Variants in SPECC1L observed in about 807,000 individuals in gnomAD.
SPECC1L encodes the protein sperm antigen with calponin homology and coiled-coil domains 1 like, also known as cytospin-A.
Under a neutral mutation model 116.8 loss-of-function variants are expected in SPECC1L, and 40 were observed. That is an observed-to-expected ratio of 0.34 (90% CI 0.27 to 0.45). The LOEUF is 0.45. Among genes scored for constraint, SPECC1L ranks in the 20% least tolerant of loss-of-function variants. The pLI, the probability that SPECC1L is intolerant of heterozygous loss-of-function variation, is 1.00. For missense variants in SPECC1L, 1,110 were observed against 1,373.6 expected, an observed-to-expected ratio of 0.81 and a Z score of 3.03; for synonymous variants, 504 against 500.6, an observed-to-expected ratio of 1.01 and a Z score of -0.09.
At position 24,316,841 on chromosome 22, in the gene SPECC1L, C is replaced by T. The variant is rs1471214405; in HGVS notation, c.307+3375C>T. ...GGCCGGGCAGAGGGGCTCCTCACTTCCCAGTAGGGGCGGCCGGGCAGAGGC... is the reference window on the plus strand; with the variant it reads ...GGCCGGGCAGAGGGGCTCCTCACTTTCCAGTAGGGGCGGCCGGGCAGAGGC... On this transcript the variant is annotated intron_variant, in intron 4 of 16. Coordinates refer to ENST00000314328, the MANE Select transcript of SPECC1L (RefSeq NM_015330.6). Among the ~76,000 whole-genome samples the T allele has an allele frequency of 9.6e-3, 1,338 of 139,066 alleles. 55 individuals are homozygous for T. The highest frequency in any genetic ancestry group is 0.033 in the African/African-American group (1,253 of 37,874). 91.2% of individuals were successfully genotyped at this position (139,066 alleles called of 152,430 possible).
intron 6 of SPECC1L, among the ~76,000 whole-genome samples, chr22:24,326,800 A>G (rs1203863342): frequency 2.0e-5 from 3 of 152,168 alleles, no homozygotes; most frequent in Non-Finnish European, 4.4e-5. Context: ...GGGGCAGTGA[A>G]TGAGAGCAAG....
chr22:24,277,011 A>C (rs2048850016), intron 2 of SPECC1L, among the ~76,000 whole-genome samples: 1 of 152,098 alleles, frequency 6.6e-6, no homozygotes, highest in South Asian at 2.1e-4. Context: ...CCATTTTTTC[A>C]TTGTTTTTCT....
At chr22:24,406,820 C>G (rs996900171) in intron 14 of SPECC1L, among the ~76,000 whole-genome samples, 1 of 152,226 alleles carries the variant, frequency 6.6e-6, no homozygotes, top group Middle Eastern at 3.2e-3. Context: ...CCGTGCCTTC[C>G]GAGAACCCAG....
chr22:24,413,892 G>T (rs1471643236), intron 16 of SPECC1L, among the ~76,000 whole-genome samples: 1 of 152,116 alleles, frequency 6.6e-6, no homozygotes, highest in Non-Finnish European at 1.5e-5. Flanking sequence ...CGGCCCCTTG[G>T]GTCACTCCCC....
At chr22:24,362,215 G>C (rs2041659913) in intron 11 of SPECC1L, among the ~76,000 whole-genome samples, 1 of 152,202 alleles carries the variant, frequency 6.6e-6, no homozygotes, top group African/African-American at 2.4e-5. Flanking sequence ...CAGGAAGAGA[G>C]TCAGCAGGAC....
intron 2 of SPECC1L, among the ~76,000 whole-genome samples, chr22:24,298,489 C>G (rs1173644760): frequency 6.6e-6 from 1 of 152,110 alleles, no homozygotes; most frequent in East Asian, 1.9e-4. Flanking sequence ...TTGGCTCATG[C>G]AATTATGGAG....
chr22:24,313,615 C>T (rs529685226), intron 4 of SPECC1L, 149 bp downstream of exon 4: 22 of 881,772 alleles, frequency 2.5e-5, no homozygotes, highest in Non-Finnish European at 4.0e-5. Flanking sequence ...ACGCTCATCA[C>T]CATTATCAAC....
intron 10 of SPECC1L, chr22:24,343,712 C>T (rs567295819): frequency 3.3e-4 from 57 of 170,406 alleles, no homozygotes; most frequent in African/African-American, 1.3e-3. Context: ...TCACCTTCCT[C>T]GGCCTCCCAA....
chr22:24,313,440 T>C lies in SPECC1L; in HGVS notation c.281T>C (p.Val94Ala), dbSNP rs1287779631. 6.2e-7 allele frequency: 1 copy of C among 1,614,044 alleles called. No homozygotes were observed. Among genetic ancestry groups the C allele is most frequent in the East Asian group, 2.2e-5 (1 of 44,900 alleles). Reference protein sequence around the residue: ...PSASAPAMTTVENKSKISTGT... With the variant: ...PSASAPAMTTAENKSKISTGT... ...GCATCTGCCCCTGCCATGACCACCG[T>C]GGAGAACAAATCCAAGATTAGCACA... Residue 94 changes from valine (V) to alanine (A), a missense_variant, in exon 4 of 17, where the codon GTG becomes GCG. Coordinates refer to ENST00000314328, the MANE Select transcript of SPECC1L (RefSeq NM_015330.6).
intron 8 of SPECC1L, among the ~76,000 whole-genome samples, chr22:24,331,920 T>G (rs1275786035): frequency 6.6e-6 from 1 of 152,190 alleles, no homozygotes; most frequent in Non-Finnish European, 1.5e-5. Context: ...AGTACACTCT[T>G]TAGCATTTTG....
intron 2 of SPECC1L, 25 bp downstream of exon 2, chr22:24,276,828 G>T: frequency 2.2e-6 from 1 of 451,076 alleles, no homozygotes; most frequent in Non-Finnish European, 4.4e-6. Flanking sequence ...CCCAATAAAT[G>T]CCCCTTTTCT....
intron 10 of SPECC1L, 74 bp downstream of exon 10, chr22:24,338,551 T>G: frequency 2.3e-6 from 3 of 1,325,276 alleles, no homozygotes; most frequent in Non-Finnish European, 3.3e-6. Context: ...TCACAGTCAT[T>G]TACACCTGTA....
At chr22:24,404,706 C>T (rs1183463235) in intron 14 of SPECC1L, among the ~76,000 whole-genome samples, 5 of 152,210 alleles carry the variant, frequency 3.3e-5, no homozygotes, top group Non-Finnish European at 5.9e-5. Context: ...AGTCCAGCCA[C>T]TCTTCCCTTT....
intron 10 of SPECC1L, among the ~76,000 whole-genome samples, chr22:24,339,586 G>A (rs970345585): frequency 1.3e-5 from 2 of 152,230 alleles, no homozygotes; most frequent in Non-Finnish European, 2.9e-5. Context: ...ATAGGTGAGA[G>A]TAGCCAAAGG....
intron 2 of SPECC1L, among the ~76,000 whole-genome samples, chr22:24,277,519 T>C (rs1236535291): frequency 6.6e-6 from 1 of 152,232 alleles, no homozygotes; most frequent in Non-Finnish European, 1.5e-5. Context: ...TCTGTACTCA[T>C]TAGTAGTCAT....
At chr22:24,381,817 G>C (rs1271512530) in intron 14 of SPECC1L, among the ~76,000 whole-genome samples, 1 of 152,228 alleles carries the variant, frequency 6.6e-6, no homozygotes, top group African/African-American at 2.4e-5. Flanking sequence ...CCGGGAGGCA[G>C]AGGTTGCAGT....
intron 14 of SPECC1L, among the ~76,000 whole-genome samples, chr22:24,384,433 G>A (rs1303770971): frequency 6.6e-6 from 1 of 152,144 alleles, no homozygotes; most frequent in Non-Finnish European, 1.5e-5. Context: ...GAGTAAATGT[G>A]AAAGTAAATA....
chr22:24,369,813 G>C (rs1025719333), intron 14 of SPECC1L, among the ~76,000 whole-genome samples: 4 of 152,216 alleles, frequency 2.6e-5, no homozygotes, highest in Admixed American at 6.5e-5. Flanking sequence ...CTTAAGTCCA[G>C]GTTAAATGCT....
chr22:24,373,545 A>G (rs2041911301), intron 14 of SPECC1L, among the ~76,000 whole-genome samples: 1 of 152,196 alleles, frequency 6.6e-6, no homozygotes, highest in African/African-American at 2.4e-5. Context: ...TATTTAATAA[A>G]TGGTGCTGGG....
Sources: allele counts gnomAD v4.1 joint callset (sites outside exome capture counted in the v4.1 genomes callset), GRCh38; gene constraint gnomAD v4.1.1; transcripts MANE v1.5; gene names NCBI Gene and HGNC (gene_info 2026-07-23, HGNC 2026-07-21).